The following MYO5A variants were observed in gnomAD, a reference collection of about 807,000 sequenced individuals.
The protein encoded by MYO5A is unconventional myosin-Va.
Under a neutral mutation model 249.7 loss-of-function variants are expected in MYO5A, and 98 were observed. That is an observed-to-expected ratio of 0.39 (90% CI 0.33 to 0.46). The LOEUF is 0.46. Ranked by LOEUF, MYO5A falls within the 20% of genes least tolerant of loss-of-function variation. The pLI, the probability that MYO5A is intolerant of heterozygous loss-of-function variation, is 0.98. For synonymous variants in MYO5A, 778 were observed against 810.6 expected, an observed-to-expected ratio of 0.96 and a Z score of 0.68; for missense variants, 1,696 against 2,308.8, an observed-to-expected ratio of 0.73 and a Z score of 5.44.
intron 1 of MYO5A, among the ~76,000 whole-genome samples, chr15:52,439,989 C>T (rs1165201198): frequency 6.6e-6 from 1 of 152,232 alleles, no homozygotes; most frequent in Non-Finnish European, 1.5e-5. Flanking sequence ...ATAATGCTAG[C>T]ACAGATTTAA....
intron 1 of MYO5A, among the ~76,000 whole-genome samples, chr15:52,448,623 T>C (rs1389364058): frequency 6.6e-6 from 1 of 152,200 alleles, no homozygotes; most frequent in Admixed American, 6.5e-5. Context: ...CCAAATCTCA[T>C]GCCAAATTGT....
intron 34 of MYO5A, chr15:52,331,785 G>T (rs190679395): frequency 1.0e-6 from 1 of 985,238 alleles, no homozygotes; most frequent in African/African-American, 1.7e-5. Flanking sequence ...GACTATCAGC[G>T]CTGAAAATCT....
At chr15:52,469,431 T>C (rs2076413865) in intron 1 of MYO5A, among the ~76,000 whole-genome samples, 1 of 152,124 alleles carries the variant, frequency 6.6e-6, no homozygotes, top group African/African-American at 2.4e-5. Context: ...TAAGTGGAAG[T>C]GGAGAATCAT....
chr15:52,314,174 T>C lies in MYO5A; in HGVS notation c.5439A>G (p.Pro1813=). The part of the protein sequence containing the change: ...QIVKVLNLYT[P]VNEFEERVSV... The stretch of plus-strand genomic sequence containing the variant: ...AGACTCTTTCTTCAAACTCATTAAC[T>C]GGAGTATACAAATTCAACACTTTCA... Residue 1813 remains proline (P), a synonymous_variant, in exon 41 of 42, where the codon CCA becomes CCG. Coordinates refer to ENST00000399233, the MANE Select transcript of MYO5A (RefSeq NM_001382347.1). 1 of 1,612,482 alleles carries C rather than the reference T, an allele frequency of 6.2e-7. No individual in the cohort carries two copies.
At chr15:52,386,927 GT>G (rs1370058797) in intron 14 of MYO5A, among the ~76,000 whole-genome samples, 1 of 152,056 alleles carries the variant, frequency 6.6e-6, no homozygotes, top group Non-Finnish European at 1.5e-5. Context: ...GATAGTAAAG[GT>G]TTTTATTCTA....
intron 11 of MYO5A, among the ~76,000 whole-genome samples, chr15:52,394,735 C>T (rs1430578175): frequency 6.6e-6 from 1 of 152,190 alleles, no homozygotes; most frequent in Non-Finnish European, 1.5e-5. Context: ...GCTGGCATTG[C>T]TTCCTTACAT....
At chr15:52,490,463 C>G (rs180880028) in intron 1 of MYO5A, among the ~76,000 whole-genome samples, 4 of 152,192 alleles carry the variant, frequency 2.6e-5, no homozygotes, top group Non-Finnish European at 5.9e-5. Flanking sequence ...TGAGGAAATT[C>G]TGAAAGATGT....
chr15:52,315,649 C>T (rs889024091), intron 40 of MYO5A, among the ~76,000 whole-genome samples: 2 of 151,262 alleles, frequency 1.3e-5, no homozygotes, highest in African/African-American at 4.9e-5. Flanking sequence ...GCTGGGATTA[C>T]AGGTGTGAGC....
chr15:52,448,968 T>C lies in MYO5A; in HGVS notation c.28-15683A>G, dbSNP rs1417930562. On this transcript the variant is annotated intron_variant, in intron 1 of 41. Transcript: ENST00000399233. ...CTTTTCTTGTCTTTCTTTTTTTTTT[T>C]TTTTTTTTTTTTTTTTTTGAGACAG... Among the ~76,000 whole-genome samples the C allele has an allele frequency of 9.4e-5, 12 of 128,050 alleles. 1 individual carries two copies. The highest frequency in any genetic ancestry group is 2.4e-4 in the African/African-American group (8 of 32,912). The allele number at this position is 128,050 out of a possible 152,430, so 84.0% of individuals were successfully genotyped here. A position where few individuals can be genotyped will look rare whatever the true frequency, so the allele number is the denominator to read the frequency against.
Position 52,500,947 on chromosome 15 carries a change from G to A in MYO5A, c.27+27833C>T, listed in dbSNP as rs182426236. Among the ~76,000 whole-genome samples, 4 of 151,896 alleles carry A rather than the reference G, an allele frequency of 2.6e-5. No homozygotes were observed. The East Asian group carries it at 7.7e-4, about 29-fold the overall frequency. ...TATAAAATATATTTAAATATTGTTT[G>A]TATTGTGTGTATACACAAAATCAGA... On this transcript the variant is annotated intron_variant, in intron 1 of 41. Coordinates refer to ENST00000399233, the MANE Select transcript of MYO5A (RefSeq NM_001382347.1).
Position 52,379,838 on chromosome 15 carries a change from C to A in MYO5A, c.2083G>T (p.Ala695Ser). 1 of 1,614,160 alleles carries A rather than the reference C, an allele frequency of 6.2e-7. No individual in the cohort carries two copies. Among genetic ancestry groups the A allele is most frequent in the South Asian group, 1.1e-5 (1 of 91,080 alleles). Reference protein sequence around the residue: ...GVLETIRISAAGFPSRWTYQE... With the variant: ...GVLETIRISASGFPSRWTYQE... ...CAGGCTCACCGTGAGGGGAAACCGG[C>A]CGCACTGATTCGGATGGTTTCCAGG... Residue 695 changes from alanine (A) to serine (S), a missense_variant, in exon 17 of 42, where the codon GCC (alanine) becomes TCC (serine). Physicochemically the swap from Ala to Ser is moderately conservative, Grantham distance 99. This residue lies in a region of MYO5A where 277 missense variants were observed against 422.4 expected (regional missense o/e 0.66). Coordinates refer to ENST00000399233, the MANE Select transcript of MYO5A (RefSeq NM_001382347.1).
chr15:52,377,743 G>T (rs2041497287), intron 18 of MYO5A, among the ~76,000 whole-genome samples: 1 of 151,744 alleles, frequency 6.6e-6, no homozygotes, highest in Non-Finnish European at 1.5e-5. Context: ...GCTAATTTTT[G>T]TATTTTTAGT....
intron 1 of MYO5A, among the ~76,000 whole-genome samples, chr15:52,522,730 C>A (rs2077648615): frequency 6.6e-6 from 1 of 152,090 alleles, no homozygotes; most frequent in African/African-American, 2.4e-5. Flanking sequence ...TCTCTCCTCT[C>A]CCACATTCTC....
At position 52,479,383 on chromosome 15, in the gene MYO5A, A is replaced by AT. The variant is rs201205326; in HGVS notation, c.28-46099dup. On this transcript the variant is annotated intron_variant, in intron 1 of 41. Transcript: ENST00000399233. ...TGTATTCATGACATAACTTTTTCTT[A>AT]TTTTTTTCGATATTTCTAGGCTACA... 4.7e-3 allele frequency among the ~76,000 whole-genome samples: 713 copies of AT among 151,866 alleles called. 3 individuals are homozygous for AT. Among genetic ancestry groups the AT allele is most frequent in the African/African-American group, 0.017 (689 of 41,398 alleles).
intron 25 of MYO5A, among the ~76,000 whole-genome samples, chr15:52,356,823 T>A (rs8029205): frequency 2.3e-5 from 3 of 127,794 alleles, no homozygotes; most frequent in African/African-American, 8.5e-5. Flanking sequence ...TTTTTTATTT[T>A]CAGGAATTGT....
At chr15:52,469,587 G>C (rs1039325801) in intron 1 of MYO5A, among the ~76,000 whole-genome samples, 1 of 152,126 alleles carries the variant, frequency 6.6e-6, no homozygotes, top group South Asian at 2.1e-4. Context: ...CACACTTAGT[G>C]TAACTTTACA....
At chr15:52,387,592 G>A (rs1225413556) in intron 14 of MYO5A, among the ~76,000 whole-genome samples, 1 of 152,156 alleles carries the variant, frequency 6.6e-6, no homozygotes, top group African/African-American at 2.4e-5. Flanking sequence ...TAGCCATGAA[G>A]TCTCTGTGTC....
chr15:52,505,130 G>C lies in MYO5A; in HGVS notation c.27+23650C>G, dbSNP rs545647471. 13 of 696,228 alleles carry C rather than the reference G, an allele frequency of 1.9e-5. No homozygotes were observed. The Admixed American group carries it at 2.5e-4, about 14-fold the overall frequency. 43.1% of individuals were successfully genotyped at this position (696,228 alleles called of 1,614,324 possible). The stretch of plus-strand genomic sequence containing the variant: ...CAAAAGGTCCAAGGACAATCTGTGG[G>C]CCACTTAATTCAGGGCCCTCAATTC... On this transcript the variant is annotated intron_variant, in intron 1 of 41. Transcript: ENST00000399233.
In MYO5A at chr15:52,310,391, G is replaced by C. The variant is rs2037738108; in HGVS notation, c.*3305C>G. The C allele has an allele frequency of 6.6e-6, 1 of 152,242 alleles. No homozygotes were observed. Among genetic ancestry groups the C allele is most frequent in the Admixed American group, 6.5e-5 (1 of 15,288 alleles). 9.4% of individuals were successfully genotyped at this position (152,242 alleles called of 1,614,324 possible). The stretch of plus-strand genomic sequence containing the variant: ...TTTCAGCTTCAAGTTGTAAGGGTGT[G>C]AGGTGAGTCTGCATGTAGTAAGGTG... On this transcript the variant is annotated 3_prime_UTR_variant, in exon 42 of 42. Transcript: ENST00000399233.
Sources: allele counts gnomAD v4.1 joint callset (sites outside exome capture counted in the v4.1 genomes callset), GRCh38; gene constraint gnomAD v4.1.1; regional missense constraint gnomAD v4.1.1; transcripts MANE v1.5; gene names NCBI Gene and HGNC (gene_info 2026-07-23, HGNC 2026-07-21).